The following JUP variants were observed in gnomAD, a reference collection of about 807,000 sequenced individuals.
JUP encodes junction plakoglobin.
In JUP, 28 loss-of-function variants were observed where a neutral mutation model predicts 71.1. The observed-to-expected ratio is 0.39, with a 90% CI of 0.29 to 0.54. JUP has a LOEUF of 0.54. JUP is among the 20% of genes least tolerant of loss of function. The pLI is 0.62. For missense variants in JUP, 869 were observed against 1,030.1 expected (o/e 0.84, Z 2.14); for synonymous variants, 401 against 438.9 (o/e 0.91, Z 1.08).
At chr17:41,774,596 A>C (rs1423843010) in intron 1 of JUP, among the ~76,000 whole-genome samples, 1 of 151,938 alleles carries the variant, frequency 6.6e-6, no homozygotes, top group Admixed American at 6.6e-5. Flanking sequence ...AGCCTCCCAA[A>C]GTGCTGGGAT....
intron 8 of JUP, among the ~76,000 whole-genome samples, chr17:41,760,490 C>T (rs920799250): frequency 2.6e-5 from 4 of 151,804 alleles, no homozygotes; most frequent in African/African-American, 7.3e-5. Flanking sequence ...GATCTCCTGA[C>T]CTCGTGATCC....
At chr17:41,768,363 C>T (rs2143666954) in intron 4 of JUP, among the ~76,000 whole-genome samples, 1 of 151,656 alleles carries the variant, frequency 6.6e-6, no homozygotes, top group South Asian at 2.1e-4. Context: ...TGTGCCATTG[C>T]ACTCCAGCCT....
intron 2 of JUP, among the ~76,000 whole-genome samples, chr17:41,770,702 A>T (rs537112518): frequency 2.0e-3 from 304 of 152,310 alleles, no homozygotes; most frequent in African/African-American, 6.9e-3. Flanking sequence ...GGGCCTGGCT[A>T]TTCCTCTCTC....
rs1555605097 is a variant in JUP at position 41,768,965 on chromosome 17, G to A, written c.707+4C>T. On this transcript the variant is annotated splice_donor_region_variant and intron_variant, in intron 4 of 13. Coordinates refer to ENST00000393931, the MANE Select transcript of JUP (RefSeq NM_002230.4). Reference sequence around the variant, plus strand: ...GGGCTCATGCAGTGAGCAGGGTTGGGTACCTGAGCATGCGGACCAGAGCAG... The same window carrying A: ...GGGCTCATGCAGTGAGCAGGGTTGGATACCTGAGCATGCGGACCAGAGCAG... The A allele has an allele frequency of 6.3e-7, 1 of 1,599,280 alleles. No homozygotes were observed. The highest frequency in any genetic ancestry group is 8.5e-7 in the Non-Finnish European group (1 of 1,172,896).
At chr17:41,783,346 A>G (rs1435776241) in intron 1 of JUP, among the ~76,000 whole-genome samples, 1 of 146,646 alleles carries the variant, frequency 6.8e-6, no homozygotes, top group African/African-American at 2.5e-5. Context: ...AGGCTGGAAT[A>G]CAGTGACACA....
chr17:41,769,117 C>T lies in JUP; in HGVS notation c.559G>A (p.Ala187Thr). The T allele has an allele frequency of 6.2e-7, 1 of 1,611,550 alleles. No homozygotes were observed. Among genetic ancestry groups the T allele is most frequent in the Non-Finnish European group, 8.5e-7 (1 of 1,179,976 alleles). The change falls in exon 4 of 14, where the codon GCC becomes ACC. Residue 187 changes from alanine to threonine, a missense_variant. Transcript: ENST00000393931. ...RALMGSPQLV[A>T]AVVRTMQNTS... ...TTCTGCATGGTACGCACGACAGCGG[C>T]CACCAGCTGGGGCGAGCCCATCAGG...
chr17:41,758,732 T>C lies in JUP; in HGVS notation c.1636A>G (p.Thr546Ala). The C allele has an allele frequency of 6.2e-7, 1 of 1,603,150 alleles. No homozygotes were observed. Among genetic ancestry groups the C allele is most frequent in the Non-Finnish European group, 8.5e-7 (1 of 1,174,982 alleles). The change falls in exon 9 of 14, where the codon ACA (threonine) becomes GCA (alanine). Residue 546 changes from threonine (T) to alanine (A), a missense_variant. By Grantham distance (58) the Thr-to-Ala change is moderately conservative. Transcript: ENST00000393931. Reference sequence around the variant, plus strand: ...TCACATACCGTGTAGGGCTGCTGTGTGCCTGCAGCTACGTGGCGCTGGGCA... The same window carrying C: ...TCACATACCGTGTAGGGCTGCTGTGCGCCTGCAGCTACGTGGCGCTGGGCA... Reference protein sequence around the residue: ...QDAQRHVAAGTQQPYTDGVRM... With the variant: ...QDAQRHVAAGAQQPYTDGVRM...
rs145663984 is a variant in JUP, at chr17:41,775,787, C to A, written c.-8-3925G>T. On this transcript the variant is annotated intron_variant, in intron 1 of 13. Coordinates refer to ENST00000393931, the MANE Select transcript of JUP (RefSeq NM_002230.4). ...GCCCTGGAGAGGGGGTGCAGAGGAC[C>A]CTTCCCCATGGGACCCACACCAGGT... 1.3e-3 allele frequency: 210 copies of A among 162,678 alleles called. 2 individuals carry two copies. Among genetic ancestry groups the A allele is most frequent in the African/African-American group, 4.5e-3 (188 of 41,728 alleles). 10.1% of individuals were successfully genotyped at this position (162,678 alleles called of 1,614,324 possible).
chr17:41,764,540 A>G (rs1341353698), intron 7 of JUP, among the ~76,000 whole-genome samples, 173 bp downstream of exon 7: 8 of 149,306 alleles, frequency 5.4e-5, no homozygotes, highest in Non-Finnish European at 7.4e-5. Flanking sequence ...GTCAGAAAAA[A>G]AAAAAAAAAA....
chr17:41,769,095 T>C lies in JUP; in HGVS notation c.581A>G (p.Gln194Arg). ...GGCTGTGTCCAGGTCGCTGGTATTCTGCATGGTACGCACGACAGCGGCCAC... is the reference window on the plus strand; with the variant it reads ...GGCTGTGTCCAGGTCGCTGGTATTCCGCATGGTACGCACGACAGCGGCCAC... ...QLVAAVVRTM[Q>R]NTSDLDTARC... The change falls in exon 4 of 14, where the codon CAG (glutamine) becomes CGG (arginine). Residue 194 changes from glutamine to arginine, a missense_variant. Transcript: ENST00000393931. The C allele has an allele frequency of 1.2e-6, 2 of 1,613,040 alleles. No individual in the cohort carries two copies. The highest frequency in any genetic ancestry group is 1.7e-6 in the Non-Finnish European group (2 of 1,179,974).
chr17:41,784,177 C>T lies in JUP; in HGVS notation c.-9+2411G>A, dbSNP rs1330970806. ...ATTGACCCATCTCACTCTAAGGTGG[C>T]TCCAGGATGGGAAAAAGGTTGGCAG... On this transcript the variant is annotated intron_variant, in intron 1 of 13. Coordinates refer to ENST00000393931, the MANE Select transcript of JUP (RefSeq NM_002230.4). 5.3e-5 allele frequency among the ~76,000 whole-genome samples: 8 copies of T among 152,248 alleles called. No individual in the cohort carries two copies. The South Asian group carries it at 8.3e-4, about 16-fold the overall frequency.
intron 12 of JUP, 82 bp from the exon 13 acceptor site, chr17:41,756,296 A>T: frequency 7.1e-7 from 1 of 1,413,450 alleles, no homozygotes; most frequent in Admixed American, 1.8e-5. Flanking sequence ...GCAGGGAGAG[A>T]TGCTTCTAAA....
chr17:41,768,904 G>A (rs1916119903), intron 4 of JUP, 65 bp downstream of exon 4: 2 of 1,240,172 alleles, frequency 1.6e-6, no homozygotes, highest in Non-Finnish European at 2.3e-6. Flanking sequence ...GAAGCTCAGG[G>A]AAGGGAGGGG....
chr17:41,774,290 C>T (rs1223374003), intron 1 of JUP, among the ~76,000 whole-genome samples: 2 of 152,114 alleles, frequency 1.3e-5, no homozygotes, highest in Non-Finnish European at 1.5e-5. Context: ...CTCATTCTTC[C>T]CTCAAAGCAA....
rs1454514424 is a variant in JUP, at chr17:41,771,660, C to T, written c.195G>A (p.Val65=). The part of the protein sequence containing the change: ...LKKTTTYTQG[V]PPSQGDLEYQ... The stretch of plus-strand genomic sequence containing the variant: ...AGGGGTCCTGACCTTGGCTGGGGGG[C>T]ACCCCCTGGGTGTAAGTGGTGGTTT... The change falls in exon 2 of 14, where the codon GTG becomes GTA. Residue 65 remains valine (V), a synonymous_variant. Transcript: ENST00000393931. 1.2e-6 allele frequency: 2 copies of T among 1,613,630 alleles called. No individual in the cohort carries two copies. The highest frequency in any genetic ancestry group is 1.7e-6 in the Non-Finnish European group (2 of 1,179,996).
At chr17:41,768,323 C>T (rs781913459) in intron 4 of JUP, among the ~76,000 whole-genome samples, 3 of 151,904 alleles carry the variant, frequency 2.0e-5, no homozygotes, top group Non-Finnish European at 2.9e-5. Flanking sequence ...CTCTTGAACC[C>T]GGGAGGCAGA....
In JUP at chr17:41,755,492, G is replaced by A. The variant is rs772204929; in HGVS notation, c.*252C>T. ...GCTCGGTGGACCTGCATCCCCAGAA[G>A]CTCAAGCCACTCCGTGTCACCTGCC... On this transcript the variant is annotated 3_prime_UTR_variant, in exon 14 of 14. Coordinates refer to ENST00000393931, the MANE Select transcript of JUP (RefSeq NM_002230.4). 4.6e-6 allele frequency: 2 copies of A among 437,308 alleles called. No individual in the cohort carries two copies. Among genetic ancestry groups the A allele is most frequent in the Non-Finnish European group, 8.0e-6 (2 of 248,764 alleles). 27.1% of individuals were successfully genotyped at this position (437,308 alleles called of 1,614,324 possible). A position where few individuals can be genotyped will look rare whatever the true frequency, so the allele number is the denominator to read the frequency against.
At chr17:41,767,300 G>T in intron 5 of JUP, 79 bp downstream of exon 5, 1 of 1,185,772 alleles carries the variant, frequency 8.4e-7, no homozygotes, top group South Asian at 1.2e-5. Context: ...GAGTAAGGGG[G>T]CAGCGGCCCA....
chr17:41,758,668 C>A (rs375509955), intron 9 of JUP, 47 bp downstream of exon 9: 2 of 1,591,908 alleles, frequency 1.3e-6, no homozygotes, highest in African/African-American at 1.3e-5. Flanking sequence ...ACAGAGGACA[C>A]CCTGACCCCC....
Sources: gnomAD v4.1 joint callset for allele counts (sites outside exome capture counted in the v4.1 genomes callset) on GRCh38, gnomAD v4.1.1 for gene constraint, MANE v1.5 for transcripts, NCBI Gene and HGNC (gene_info 2026-07-23, HGNC 2026-07-21) for gene names.